CNOT2: variants seen among roughly 807,000 people sequenced by gnomAD.
CNOT2 encodes the protein CC chemokine receptor 4-negative regulator of transcription 2.
CNOT2 carries 7 observed loss-of-function variants against 72.1 expected under a neutral mutation model. That is an observed-to-expected ratio of 0.10 (90% CI 0.06 to 0.18). The LOEUF (loss-of-function observed/expected upper bound fraction) is 0.18. CNOT2 is among the 10% of genes least tolerant of loss of function. The pLI, the probability that CNOT2 is intolerant of heterozygous loss-of-function variation, is 1.00. For missense variants in CNOT2, 345 were observed against 660.3 expected (o/e 0.52, Z 5.23); for synonymous variants, 196 against 225.6 (o/e 0.87, Z 1.17).
At chr12:70,306,954 G>C (rs1875521907) in intron 2 of CNOT2, among the ~76,000 whole-genome samples, 1 of 152,092 alleles carries the variant, frequency 6.6e-6, no homozygotes, top group East Asian at 1.9e-4. Context: ...GTAACACATT[G>C]GTATTTGTGT....
chr12:70,263,665 T>G (rs1224954338), intron 1 of CNOT2, among the ~76,000 whole-genome samples: 1 of 152,240 alleles, frequency 6.6e-6, no homozygotes, highest in Non-Finnish European at 1.5e-5. Flanking sequence ...GAAGTCTTTA[T>G]TAAGTCTGAC....
At chr12:70,335,275 T>C in intron 7 of CNOT2, 163 bp from the exon 8 acceptor site, 1 of 490,138 alleles carries the variant, frequency 2.0e-6, no homozygotes, top group Non-Finnish European at 3.6e-6. Flanking sequence ...TGACATGAAA[T>C]CAATCTGCAA....
intron 3 of CNOT2, among the ~76,000 whole-genome samples, chr12:70,311,500 A>T (rs1210883739): frequency 3.3e-5 from 5 of 151,976 alleles, no homozygotes; most frequent in African/African-American, 1.2e-4. Context: ...GGATACTATA[A>T]TAGGAAAAAT....
rs968410683 is a variant in CNOT2 at position 70,243,461 on chromosome 12, G to A, written c.-115G>A. On this transcript the variant is annotated 5_prime_UTR_variant, in exon 1 of 16. Coordinates refer to ENST00000229195, the MANE Select transcript of CNOT2 (RefSeq NM_014515.7). Reference sequence around the variant, plus strand: ...GGATACGTCGCCATCTTGGATCCGCGGGACAAGAAAATTCATGCGGTGAGT... The same window carrying A: ...GGATACGTCGCCATCTTGGATCCGCAGGACAAGAAAATTCATGCGGTGAGT... 5 of 152,636 alleles carry A rather than the reference G, an allele frequency of 3.3e-5. No homozygotes were observed. The highest frequency in any genetic ancestry group is 6.5e-5 in the Admixed American group (1 of 15,308). The allele number at this position is 152,636 out of a possible 1,614,324, so 9.5% of individuals were successfully genotyped here.
chr12:70,278,449 T>C, intron 2 of CNOT2, 175 bp downstream of exon 2: 1 of 496,024 alleles, frequency 2.0e-6, no homozygotes, highest in Admixed American at 3.8e-5. Context: ...GGGAACACTT[T>C]TCAAAATAAA....
chr12:70,340,530 C>G (rs530863231), intron 11 of CNOT2, among the ~76,000 whole-genome samples: 38 of 152,256 alleles, frequency 2.5e-4, no homozygotes, highest in African/African-American at 8.9e-4. Context: ...AATGATCACC[C>G]CCCAACTTAT....
At chr12:70,261,076 T>A (rs1958727349) in intron 1 of CNOT2, among the ~76,000 whole-genome samples, 1 of 151,946 alleles carries the variant, frequency 6.6e-6, no homozygotes. Context: ...TGTTGAGTGC[T>A]TTTATTATGA....
chr12:70,307,974 G>T (rs1176198176), intron 2 of CNOT2: 2 of 151,098 alleles, frequency 1.3e-5, no homozygotes, highest in Non-Finnish European at 2.9e-5. Flanking sequence ...GTCTAACAAA[G>T]AATAAAATCC....
intron 1 of CNOT2, among the ~76,000 whole-genome samples, chr12:70,266,931 C>A (rs1227977535): frequency 6.6e-6 from 1 of 151,662 alleles, no homozygotes; most frequent in Non-Finnish European, 1.5e-5. Flanking sequence ...TTTAGATAAA[C>A]CCTTTGCTTT....
At position 70,267,543 on chromosome 12, in the gene CNOT2, TG is replaced by T. The variant is rs566978633; in HGVS notation, c.-95-10584del. ...CAAATAAGGTGAAATTCAGAGGTCC[TG>T]GGGGTTAAGTCTTGAACACATCTTT... On this transcript the variant is annotated intron_variant, in intron 1 of 15. Coordinates refer to ENST00000229195, the MANE Select transcript of CNOT2 (RefSeq NM_014515.7). Among the ~76,000 whole-genome samples the T allele has an allele frequency of 7.6e-4, 116 of 152,356 alleles. 3 individuals carry two copies. The South Asian group carries it at 0.019, about 25-fold the overall frequency.
chr12:70,301,202 T>A (rs1477683684), intron 2 of CNOT2, among the ~76,000 whole-genome samples: 4 of 152,206 alleles, frequency 2.6e-5, no homozygotes, highest in African/African-American at 9.7e-5. Flanking sequence ...CCTAATTGAA[T>A]GCCCTTTATT....
chr12:70,344,185 A>G lies in CNOT2; in HGVS notation c.1348A>G (p.Met450Val), dbSNP rs371007264. 3.7e-6 allele frequency: 6 copies of G among 1,612,674 alleles called. No homozygotes were observed. Among genetic ancestry groups the G allele is most frequent in the Non-Finnish European group, 5.1e-6 (6 of 1,178,898 alleles). Reference protein sequence around the residue: ...GEDLLFYLYYMNGGDVLQLLA... With the variant: ...GEDLLFYLYYVNGGDVLQLLA... ...AGACCTTCTCTTCTATCTCTATTAC[A>G]TGAATGGAGGAGACGTATTACAACT... is the stretch of plus-strand genomic sequence containing the variant. The change falls in exon 14 of 16, where the codon ATG (methionine) becomes GTG (valine). Residue 450 changes from methionine (M) to valine (V), a missense_variant. By Grantham distance (21) the Met-to-Val change is conservative (BLOSUM62 1). Transcript: ENST00000229195.
chr12:70,279,988 C>T (rs1294032680), intron 2 of CNOT2, among the ~76,000 whole-genome samples: 6 of 151,946 alleles, frequency 3.9e-5, no homozygotes, highest in East Asian at 3.8e-4. Flanking sequence ...TTTCTCTCTT[C>T]GTTTATTGAT....
chr12:70,341,399 G>C (rs896207083), intron 11 of CNOT2, among the ~76,000 whole-genome samples: 1 of 152,108 alleles, frequency 6.6e-6, no homozygotes, highest in Non-Finnish European at 1.5e-5. Context: ...ATATGACTAT[G>C]TCCCTTATAG....
At chr12:70,277,578 A>G (rs1450661183) in intron 1 of CNOT2, among the ~76,000 whole-genome samples, 3 of 152,162 alleles carry the variant, frequency 2.0e-5, no homozygotes, top group African/African-American at 7.2e-5. Context: ...GTAAAGTTTA[A>G]TAGATTATTG....
chr12:70,268,627 ATT>A (rs11346962), intron 1 of CNOT2, among the ~76,000 whole-genome samples: 2 of 146,284 alleles, frequency 1.4e-5, no homozygotes, highest in Admixed American at 1.4e-4. Flanking sequence ...TTTAAAAAAA[ATT>A]TTTTTTTTTT....
intron 11 of CNOT2, among the ~76,000 whole-genome samples, chr12:70,339,869 G>A (rs1279937457): frequency 6.6e-6 from 1 of 152,090 alleles, no homozygotes; most frequent in Non-Finnish European, 1.5e-5. Flanking sequence ...ACTACCTACA[G>A]CCACCTACAC....
intron 2 of CNOT2, chr12:70,285,338 T>A (rs947261976): frequency 1.3e-5 from 2 of 151,900 alleles, no homozygotes; most frequent in Non-Finnish European, 2.9e-5. Flanking sequence ...GCCTCCTGAG[T>A]AGCTGGGACT....
At chr12:70,314,188 G>C (rs1412551780) in intron 3 of CNOT2, among the ~76,000 whole-genome samples, 1 of 151,906 alleles carries the variant, frequency 6.6e-6, no homozygotes, top group Admixed American at 6.6e-5. Context: ...GGAATACTTT[G>C]TGTAGTTATT....
Sources: gnomAD v4.1 joint callset for allele counts (sites outside exome capture counted in the v4.1 genomes callset) on GRCh38, gnomAD v4.1.1 for gene constraint, MANE v1.5 for transcripts, NCBI Gene and HGNC (gene_info 2026-07-23, HGNC 2026-07-21) for gene names.